CENPK: variants seen among roughly 807,000 people sequenced by gnomAD.
CENPK encodes the protein SoxLZ/Sox6-binding protein Solt.
Under a neutral mutation model 40.9 loss-of-function variants are expected in CENPK, and 46 were observed. The observed-to-expected ratio is 1.13, with a 90% CI of 0.89 to 1.44. CENPK has a LOEUF of 1.44. Among genes scored for constraint, CENPK ranks in the 40% most tolerant of loss-of-function variants. The probability of loss-of-function intolerance (pLI) is 0.00; values close to 1 mark genes in which losing one functional copy is unlikely to be tolerated. For missense variants in CENPK, 288 were observed against 303.5 expected (o/e 0.95, Z 0.38); for synonymous variants, 107 against 104.4 (o/e 1.02, Z -0.15).
intron 2 of CENPK, chr5:65,555,254 T>C (rs1750787312): frequency 6.0e-6 from 1 of 167,728 alleles, no homozygotes; most frequent in Admixed American, 6.4e-5. Context: ...AATTGACAAC[T>C]GAGTAAGAAG....
intron 2 of CENPK, among the ~76,000 whole-genome samples, chr5:65,559,951 T>C (rs903271256): frequency 1.8e-4 from 27 of 152,024 alleles, no homozygotes; most frequent in African/African-American, 4.8e-4. Context: ...TCCTCATTTT[T>C]TTTTAACATT....
chr5:65,526,566 A>G (rs1744747421), intron 9 of CENPK, among the ~76,000 whole-genome samples: 1 of 152,220 alleles, frequency 6.6e-6, no homozygotes, highest in South Asian at 2.1e-4. Flanking sequence ...GAAGAGATAC[A>G]AAGATGAATT....
downstream of CENPK, among the ~76,000 whole-genome samples, chr5:65,514,230 C>CTTTTTTTTTTTTTTTTTTTTT (rs1183025827): frequency 1.6e-5 from 1 of 62,800 alleles, no homozygotes; most frequent in African/African-American, 6.9e-5. Flanking sequence ...CTCACATAAT[C>CTTTTTTTTTTTTTTTTTTTTT]TTTTTTTTTT....
At chr5:65,543,009 G>A (rs1052916584) in intron 5 of CENPK, among the ~76,000 whole-genome samples, 161 bp from the exon 6 acceptor site, 2 of 152,064 alleles carry the variant, frequency 1.3e-5, no homozygotes, top group Admixed American at 1.3e-4. Context: ...TTGTCACCCA[G>A]GCTGCAGTGC....
At chr5:65,549,298 T>C (rs996285295) in intron 5 of CENPK, among the ~76,000 whole-genome samples, 2 of 152,232 alleles carry the variant, frequency 1.3e-5, no homozygotes, top group Non-Finnish European at 2.9e-5. Context: ...ATCCAGGCTT[T>C]ACTGTTCCAT....
rs1743006871 is a variant in CENPK at position 65,517,891 on chromosome 5, T to C, written c.*584A>G. On this transcript the variant is annotated 3_prime_UTR_variant, in exon 11 of 11. Coordinates refer to ENST00000396679, the MANE Select transcript of CENPK (RefSeq NM_022145.5). The stretch of plus-strand genomic sequence containing the variant: ...TAGATTAATATATAAGGTAACATGA[T>C]ATATTAATAATACAAACTAAAATAT... The C allele has an allele frequency of 1.3e-5, 2 of 152,224 alleles. No homozygotes were observed. Among genetic ancestry groups the C allele is most frequent in the South Asian group, 4.1e-4 (2 of 4,832 alleles). 9.4% of individuals were successfully genotyped at this position (152,224 alleles called of 1,614,324 possible). A position where few individuals can be genotyped will look rare whatever the true frequency, so the allele number is the denominator to read the frequency against.
intron 9 of CENPK, among the ~76,000 whole-genome samples, chr5:65,525,612 G>C (rs1240880858): frequency 6.6e-6 from 1 of 152,040 alleles, no homozygotes; most frequent in Non-Finnish European, 1.5e-5. Context: ...CCAGTGTTGT[G>C]GACTGAACGA....
Position 65,552,505 on chromosome 5 carries a change from A to G in CENPK, c.156T>C (p.Asp52=). The G allele has an allele frequency of 6.4e-7, 1 of 1,560,162 alleles. No individual in the cohort carries two copies. Among genetic ancestry groups the G allele is most frequent in the Non-Finnish European group, 8.7e-7 (1 of 1,155,550 alleles). ...LSLIGTETLT[D]SNAQLSLLIM... ...AAAAGATTCATACCTGAGCATTTGA[A>G]TCGGTGAGTGTTTCAGTTCCAATAA... The change falls in exon 4 of 11, where the codon GAT becomes GAC. Residue 52 remains aspartate, a synonymous_variant. Coordinates refer to ENST00000396679, the MANE Select transcript of CENPK (RefSeq NM_022145.5).
chr5:65,541,716 T>G (rs1748018889), intron 6 of CENPK, among the ~76,000 whole-genome samples: 1 of 152,176 alleles, frequency 6.6e-6, no homozygotes, highest in Admixed American at 6.5e-5. Context: ...AGAATCGCCT[T>G]TAAAGGTCTG....
chr5:65,541,621 C>T (rs1267214414), intron 6 of CENPK, among the ~76,000 whole-genome samples: 1 of 152,192 alleles, frequency 6.6e-6, no homozygotes, highest in Non-Finnish European at 1.5e-5. Context: ...CATATTTCTA[C>T]CAACATTCTT....
At chr5:65,502,211 T>G in the CENPK span, among the ~76,000 whole-genome samples, 1 of 152,194 alleles carries the variant, frequency 6.6e-6, no homozygotes, top group Non-Finnish European at 1.5e-5. Flanking sequence ...CTGTGTTGCC[T>G]CTTTCCTCAT....
At chr5:65,545,661 GAAC>G (rs1305324341) in intron 5 of CENPK, among the ~76,000 whole-genome samples, 1 of 152,004 alleles carries the variant, frequency 6.6e-6, no homozygotes, top group African/African-American at 2.4e-5. Context: ...CAGGAAGGAA[GAAC>G]AATAGAAAGA....
At chr5:65,533,434 A>G (rs1386782246) in intron 6 of CENPK, among the ~76,000 whole-genome samples, 1 of 152,118 alleles carries the variant, frequency 6.6e-6, no homozygotes, top group African/African-American at 2.4e-5. Context: ...CAATCTGCTT[A>G]AAAGTGTCTA....
the CENPK span, among the ~76,000 whole-genome samples, chr5:65,495,957 T>C: frequency 6.6e-6 from 1 of 152,216 alleles, no homozygotes; most frequent in East Asian, 1.9e-4. Flanking sequence ...TTTGGCAATA[T>C]TAATCAAGAG....
intron 6 of CENPK, among the ~76,000 whole-genome samples, chr5:65,541,857 T>C (rs1416113759): frequency 6.6e-6 from 1 of 152,244 alleles, no homozygotes; most frequent in East Asian, 1.9e-4. Flanking sequence ...CAGTGCCAAC[T>C]TTCTGTCATA....
intron 3 of CENPK, among the ~76,000 whole-genome samples, chr5:65,554,043 ACT>A (rs897691328): frequency 1.8e-4 from 27 of 151,672 alleles, no homozygotes; most frequent in Non-Finnish European, 3.4e-4. Context: ...TGTTCTGTCA[ACT>A]CTCTGTTTTT....
chr5:65,560,361 C>T (rs193244533), intron 2 of CENPK, among the ~76,000 whole-genome samples: 211 of 152,014 alleles, frequency 1.4e-3, no homozygotes, highest in African/African-American at 4.7e-3. Context: ...TTACCAATTA[C>T]TTTGGAGGAA....
intron 5 of CENPK, chr5:65,551,073 CT>C: frequency 3.6e-6 from 1 of 276,210 alleles, no homozygotes; most frequent in Non-Finnish European, 7.3e-6. Context: ...GAAACCCCGT[CT>C]CTACAAAAAA....
chr5:65,521,454 C>T (rs369165242), intron 10 of CENPK, 21 bp downstream of exon 10: 28 of 1,596,372 alleles, frequency 1.8e-5, no homozygotes, highest in Non-Finnish European at 2.2e-5. Flanking sequence ...CAAGACAAAA[C>T]AAACTACACA....
Sources: gnomAD v4.1 joint callset for allele counts (sites outside exome capture counted in the v4.1 genomes callset) on GRCh38, gnomAD v4.1.1 for gene constraint, MANE v1.5 for transcripts, NCBI Gene and HGNC (gene_info 2026-07-23, HGNC 2026-07-21) for gene names.